Variants in ADAM2 observed in about 807,000 individuals in gnomAD.
ADAM2 encodes the protein ADAM metallopeptidase domain 2.
A neutral mutation model predicts 99.3 loss-of-function variants in ADAM2; 101 were observed. The observed-to-expected ratio is 1.02, with a 90% CI of 0.87 to 1.20. The LOEUF is 1.20. Ranked by LOEUF, ADAM2 falls within the 50% of genes most tolerant of loss-of-function variation. The pLI is 0.00. For missense variants in ADAM2, 948 were observed against 878.7 expected, an observed-to-expected ratio of 1.08 and a Z score of -1.00; for synonymous variants, 323 against 287.6, an observed-to-expected ratio of 1.12 and a Z score of -1.25.
At chr8:39,793,418 G>T (rs913648921) in intron 7 of ADAM2, among the ~76,000 whole-genome samples, 1 of 152,090 alleles carries the variant, frequency 6.6e-6, no homozygotes, top group African/African-American at 2.4e-5. Flanking sequence ...GGACACCTTG[G>T]CTACTTCCCT....
chr8:39,827,731 T>G (rs1053938326), intron 3 of ADAM2, among the ~76,000 whole-genome samples: 2 of 151,454 alleles, frequency 1.3e-5, no homozygotes, highest in Non-Finnish European at 3.0e-5. Flanking sequence ...GGGCTGAGAG[T>G]GGGAAAATGG....
At chr8:39,762,954 A>G (rs1802427286) in intron 14 of ADAM2, among the ~76,000 whole-genome samples, 1 of 152,172 alleles carries the variant, frequency 6.6e-6, no homozygotes, top group Admixed American at 6.5e-5. Context: ...GGTTGATAGA[A>G]TTGATAAACA....
intron 7 of ADAM2, among the ~76,000 whole-genome samples, chr8:39,808,362 T>A (rs1448844119): frequency 2.0e-5 from 3 of 151,686 alleles, no homozygotes; most frequent in Non-Finnish European, 2.9e-5. Flanking sequence ...AGGAATAGAT[T>A]TAACAAAAAG....
At chr8:39,775,601 C>G (rs888938825) in intron 11 of ADAM2, among the ~76,000 whole-genome samples, 1 of 152,082 alleles carries the variant, frequency 6.6e-6, no homozygotes, top group Non-Finnish European at 1.5e-5. Context: ...TTAAAAAATA[C>G]TTCAACTAAC....
chr8:39,805,147 AC>A (rs557892020), intron 7 of ADAM2, among the ~76,000 whole-genome samples: 88 of 152,296 alleles, frequency 5.8e-4, no homozygotes, highest in African/African-American at 2.1e-3. Flanking sequence ...GACCTGTTTT[AC>A]AAGGACATCA....
At chr8:39,834,484 C>T (rs559076145) in intron 2 of ADAM2, among the ~76,000 whole-genome samples, 1 of 152,156 alleles carries the variant, frequency 6.6e-6, no homozygotes, top group Non-Finnish European at 1.5e-5. Context: ...CCTATTATCC[C>T]AGCACTTTGG....
At chr8:39,754,460 T>A (rs1385432627) in intron 16 of ADAM2, among the ~76,000 whole-genome samples, 2 of 152,204 alleles carry the variant, frequency 1.3e-5, no homozygotes, top group Non-Finnish European at 2.9e-5. Context: ...CTACCTCACA[T>A]AACGTATTTT....
chr8:39,814,704 G>A (rs1804867445), intron 6 of ADAM2, among the ~76,000 whole-genome samples: 1 of 151,878 alleles, frequency 6.6e-6, no homozygotes, highest in Non-Finnish European at 1.5e-5. Context: ...TGTGGGTGCG[G>A]GTGTCCATGT....
intron 3 of ADAM2, among the ~76,000 whole-genome samples, chr8:39,828,163 T>A (rs1024860958): frequency 6.6e-6 from 1 of 151,850 alleles, no homozygotes; most frequent in African/African-American, 2.4e-5. Context: ...TAGGGAGAAC[T>A]AAAGATCACC....
At chr8:39,767,348 A>T in intron 12 of ADAM2, 97 bp from the exon 13 acceptor site, 1 of 1,039,914 alleles carries the variant, frequency 9.6e-7, no homozygotes, top group Non-Finnish European at 1.4e-6. Context: ...ACATACACAT[A>T]GGTGCTTAAC....
chr8:39,837,208 A>G lies in ADAM2; in HGVS notation c.60T>C (p.Phe20=), dbSNP rs774055930. The change falls in exon 2 of 21, where the codon TTT becomes TTC. Residue 20 remains phenylalanine, a synonymous_variant. Coordinates refer to ENST00000265708, the MANE Select transcript of ADAM2 (RefSeq NM_001464.5). The stretch of plus-strand genomic sequence containing the variant: ...CTGTAATTTGCACAGGTAAACTATC[A>G]AAATCTGCAAAATGTGCAAAATGTT... ...GLGGLRMDSN[F]DSLPVQITVP... is the part of the protein sequence containing the mutation. The G allele has an allele frequency of 1.9e-6, 3 of 1,603,180 alleles. No homozygotes were observed. The highest frequency in any genetic ancestry group is 2.6e-6 in the Non-Finnish European group (3 of 1,173,138).
intron 5 of ADAM2, among the ~76,000 whole-genome samples, 186 bp from the exon 6 acceptor site, chr8:39,821,356 A>G (rs1333627948): frequency 6.6e-6 from 1 of 152,190 alleles, no homozygotes; most frequent in Non-Finnish European, 1.5e-5. Flanking sequence ...TAATGCTGTT[A>G]GCATTTGCCT....
At chr8:39,816,458 G>A (rs181069254) in intron 6 of ADAM2, among the ~76,000 whole-genome samples, 2 of 152,202 alleles carry the variant, frequency 1.3e-5, no homozygotes, top group Non-Finnish European at 2.9e-5. Context: ...TCAAATCTTA[G>A]TAATTACCTA....
chr8:39,769,032 G>A (rs1306105443), intron 12 of ADAM2, among the ~76,000 whole-genome samples: 1 of 151,988 alleles, frequency 6.6e-6, no homozygotes, highest in Non-Finnish European at 1.5e-5. Flanking sequence ...TGAGATTACA[G>A]GTATGTTAGT....
chr8:39,833,762 T>C (rs1805708551), intron 3 of ADAM2, among the ~76,000 whole-genome samples, 182 bp downstream of exon 3: 2 of 152,242 alleles, frequency 1.3e-5, no homozygotes, highest in Non-Finnish European at 2.9e-5. Context: ...GAGGGGCACA[T>C]ACACTCTGAA....
intron 6 of ADAM2, among the ~76,000 whole-genome samples, chr8:39,815,502 T>C (rs916930058): frequency 1.3e-5 from 2 of 152,190 alleles, no homozygotes; most frequent in African/African-American, 4.8e-5. Flanking sequence ...GGAATACAGA[T>C]GGTTGAGAAC....
At chr8:39,750,668 C>T (rs1311644363) in intron 16 of ADAM2, among the ~76,000 whole-genome samples, 1 of 152,016 alleles carries the variant, frequency 6.6e-6, no homozygotes, top group African/African-American at 2.4e-5. Context: ...AAGTTGAAAC[C>T]AGCTGAGTTG....
chr8:39,761,618 A>G (rs1215628005), intron 14 of ADAM2, among the ~76,000 whole-genome samples: 1 of 152,210 alleles, frequency 6.6e-6, no homozygotes, highest in Non-Finnish European at 1.5e-5. Flanking sequence ...TTATTTGTCA[A>G]ATAAACAGTT....
chr8:39,823,270 TAA>T (rs1250363268), intron 4 of ADAM2, among the ~76,000 whole-genome samples: 1 of 152,184 alleles, frequency 6.6e-6, no homozygotes, highest in East Asian at 1.9e-4. Flanking sequence ...CTTTTGTAGA[TAA>T]GTCTTTATTT....
Sources: allele counts gnomAD v4.1 joint callset (sites outside exome capture counted in the v4.1 genomes callset), GRCh38; gene constraint gnomAD v4.1.1; transcripts MANE v1.5; gene names NCBI Gene and HGNC (gene_info 2026-07-23, HGNC 2026-07-21).